SMIM13: variants seen among roughly 807,000 people sequenced by gnomAD.
The protein encoded by SMIM13 is UPF0766 protein C6orf228.
In SMIM13, 3 loss-of-function variants were observed where a neutral mutation model predicts 5.9. The ratio of observed to expected loss-of-function variants is 0.51; its 90% CI spans 0.23 to 1.31. SMIM13 has a LOEUF of 1.31. Among genes scored for constraint, SMIM13 ranks in the 40% most tolerant of loss-of-function variants. The pLI is 0.18. For synonymous variants in SMIM13, 55 were observed against 46.0 expected (o/e 1.19, Z -0.79); for missense variants, 85 against 109.9 (o/e 0.77, Z 1.01).
At chr6:11,127,766 CGTG>C (rs1434833537) in intron 1 of SMIM13, among the ~76,000 whole-genome samples, 1 of 152,170 alleles carries the variant, frequency 6.6e-6, no homozygotes. Flanking sequence ...TCCCACAACA[CGTG>C]GGAATTATAG....
intron 1 of SMIM13, among the ~76,000 whole-genome samples, chr6:11,120,739 T>C (rs1234988166): frequency 6.6e-6 from 1 of 152,240 alleles, no homozygotes; most frequent in African/African-American, 2.4e-5. Context: ...TGTAGCTGGC[T>C]GTCTTCCAAT....
chr6:11,121,993 A>G (rs2208841), intron 1 of SMIM13, among the ~76,000 whole-genome samples: 117,422 of 152,112 alleles, frequency 0.77, 46,096 homozygotes, highest in African/African-American at 0.91. Context: ...CAGGTTCTGT[A>G]GTCAACTGTT....
chr6:11,103,632 G>T, intron 1 of SMIM13: 2 of 1,479,354 alleles, frequency 1.4e-6, no homozygotes, highest in Non-Finnish European at 9.0e-7. Context: ...CCAGGTCCAC[G>T]GGAGACGGGG....
chr6:11,103,594 T>C, intron 1 of SMIM13: 1 of 1,452,326 alleles, frequency 6.9e-7, no homozygotes, highest in Non-Finnish European at 9.1e-7. Flanking sequence ...GCAGGATGGC[T>C]CTGTGGATTG....
chr6:11,138,509 T>C lies in SMIM13; in HGVS notation c.*3907T>C, dbSNP rs1207896679. 6.6e-6 allele frequency: 1 copy of C among 152,088 alleles called. No individual in the cohort carries two copies. The highest frequency in any genetic ancestry group is 1.5e-5 in the Non-Finnish European group (1 of 68,012). The allele number at this position is 152,088 out of a possible 1,614,324, so 9.4% of individuals were successfully genotyped here. On this transcript the variant is annotated 3_prime_UTR_variant, in exon 2 of 2. Transcript: ENST00000416247. ...ATATTCTGTGGTCTGCTATGATGCA[T>C]TGCCATCTTGCTGCTTGACAATAGG...
chr6:11,129,109 T>G (rs780297783), intron 1 of SMIM13, among the ~76,000 whole-genome samples: 2 of 151,990 alleles, frequency 1.3e-5, no homozygotes, highest in Non-Finnish European at 2.9e-5. Context: ...AGGCTTCTGT[T>G]TGGCCATCTT....
At chr6:11,097,185 C>G (rs1400755075) in intron 1 of SMIM13, among the ~76,000 whole-genome samples, 2 of 152,126 alleles carry the variant, frequency 1.3e-5, no homozygotes, top group African/African-American at 4.8e-5. Context: ...AGTCAGAGAT[C>G]AGCAGGGTTG....
At chr6:11,127,729 T>C (rs1195845780) in intron 1 of SMIM13, among the ~76,000 whole-genome samples, 4 of 152,192 alleles carry the variant, frequency 2.6e-5, no homozygotes, top group Non-Finnish European at 4.4e-5. Flanking sequence ...CTGCTCCCCA[T>C]GATTCAATTA....
At chr6:11,105,084 T>C in intron 1 of SMIM13, 6 of 1,614,200 alleles carry the variant, frequency 3.7e-6, no homozygotes, top group Non-Finnish European at 5.1e-6. Flanking sequence ...GTCCCATCGA[T>C]AGGAAATATG....
At chr6:11,096,793 G>C (rs1397654941) in intron 1 of SMIM13, among the ~76,000 whole-genome samples, 1 of 151,936 alleles carries the variant, frequency 6.6e-6, no homozygotes, top group South Asian at 2.1e-4. Flanking sequence ...TCTGCCACCC[G>C]GGTTCAAGCA....
chr6:11,101,810 G>A (rs776659664), intron 1 of SMIM13, among the ~76,000 whole-genome samples: 26 of 148,820 alleles, frequency 1.7e-4, no homozygotes, highest in African/African-American at 5.3e-4. Flanking sequence ...CACAATTGCC[G>A]CTCACTGCAA....
chr6:11,103,639 G>A (rs1238819177), intron 1 of SMIM13: 10 of 1,483,592 alleles, frequency 6.7e-6, no homozygotes, highest in Non-Finnish European at 9.0e-6. Context: ...CACGGGAGAC[G>A]GGGCAGGATT....
At position 11,117,313 on chromosome 6, in the gene SMIM13, G is replaced by A. The variant is rs1199351761; in HGVS notation, c.77-17090G>A. Among the ~76,000 whole-genome samples, 14 of 146,732 alleles carry A rather than the reference G, an allele frequency of 9.5e-5. No homozygotes were observed. In the East Asian group the frequency reaches 2.5e-3, roughly 26 times the overall value. ...CAAGTAGCTGGGACTACAGGCGCCC[G>A]CCACTACGCCCGGCTAATTTTTTGT... On this transcript the variant is annotated intron_variant, in intron 1 of 1. Transcript: ENST00000416247.
intron 1 of SMIM13, among the ~76,000 whole-genome samples, chr6:11,127,281 A>G (rs1758389323): frequency 6.6e-6 from 1 of 152,082 alleles, no homozygotes; most frequent in Non-Finnish European, 1.5e-5. Context: ...GAAACTTACA[A>G]ATTTACCTGG....
At chr6:11,132,681 G>T (rs866975040) in intron 1 of SMIM13, among the ~76,000 whole-genome samples, 1 of 152,152 alleles carries the variant, frequency 6.6e-6, no homozygotes, top group Non-Finnish European at 1.5e-5. Context: ...CAGAGGCCAC[G>T]TATTGTATGA....
intron 1 of SMIM13, among the ~76,000 whole-genome samples, chr6:11,132,123 G>A (rs1758457179): frequency 6.6e-6 from 1 of 152,028 alleles, no homozygotes; most frequent in Non-Finnish European, 1.5e-5. Flanking sequence ...GAAATGAATA[G>A]ATATTTCTCC....
chr6:11,100,281 C>T (rs1027930074), intron 1 of SMIM13, among the ~76,000 whole-genome samples: 44 of 152,058 alleles, frequency 2.9e-4, no homozygotes, highest in African/African-American at 9.7e-5. Context: ...AGGATGGTCT[C>T]GATCTGCTGA....
chr6:11,127,715 G>A (rs1023852029), intron 1 of SMIM13, among the ~76,000 whole-genome samples: 2 of 152,176 alleles, frequency 1.3e-5, no homozygotes, highest in Non-Finnish European at 2.9e-5. Flanking sequence ...CAGTATGGGG[G>A]AAACTGCTCC....
chr6:11,108,586 C>T (rs910879106), intron 1 of SMIM13, among the ~76,000 whole-genome samples: 25 of 152,332 alleles, frequency 1.6e-4, no homozygotes, highest in African/African-American at 6.0e-4. Context: ...GCAAAGGGAT[C>T]TCCCTGGGGC....
Sources: allele counts gnomAD v4.1 joint callset (sites outside exome capture counted in the v4.1 genomes callset), GRCh38; gene constraint gnomAD v4.1.1; transcripts MANE v1.5; gene names NCBI Gene and HGNC (gene_info 2026-07-23, HGNC 2026-07-21).